Variants in STK39 observed in about 807,000 individuals in gnomAD.
STK39 encodes the protein serine/threonine kinase 39.
In STK39, 20 loss-of-function variants were observed where a neutral mutation model predicts 77.8. That is an observed-to-expected ratio of 0.26 (90% CI 0.18 to 0.37). The LOEUF is 0.37. Ranked by LOEUF, STK39 falls within the 10% of genes least tolerant of loss-of-function variation. STK39 has a pLI of 1.00. For synonymous variants in STK39, 246 were observed against 234.1 expected (o/e 1.05, Z -0.47); for missense variants, 479 against 656.5 (o/e 0.73, Z 2.95).
At chr2:167,998,230 G>C (rs1683898888) in intron 16 of STK39, among the ~76,000 whole-genome samples, 1 of 152,190 alleles carries the variant, frequency 6.6e-6, no homozygotes, top group Admixed American at 6.5e-5. Flanking sequence ...GGTTCACCCG[G>C]ACAAAGGTTA....
chr2:168,231,922 C>A, intron 1 of STK39: 1 of 236,526 alleles, frequency 4.2e-6, no homozygotes, highest in South Asian at 7.8e-5. Context: ...ACCCACCAAT[C>A]ACCTCTTCTT....
intron 10 of STK39, among the ~76,000 whole-genome samples, chr2:168,092,861 G>A (rs569733966): frequency 2.0e-5 from 3 of 152,270 alleles, no homozygotes; most frequent in South Asian, 2.1e-4. Context: ...TTCAGAACAC[G>A]GAAGAGAATC....
intron 1 of STK39, among the ~76,000 whole-genome samples, chr2:168,206,031 A>G (rs915774636): frequency 2.6e-5 from 4 of 152,206 alleles, no homozygotes; most frequent in African/African-American, 9.6e-5. Flanking sequence ...TTTTCAAATC[A>G]AAGCCCCCAA....
At chr2:168,061,710 G>A (rs1409500229) in intron 14 of STK39, among the ~76,000 whole-genome samples, 2 of 152,160 alleles carry the variant, frequency 1.3e-5, no homozygotes, top group Non-Finnish European at 2.9e-5. Context: ...ACTGTATCAT[G>A]AGAAAAAGGC....
In STK39 at chr2:167,991,474, G is replaced by C. The variant is rs113043747; in HGVS notation, c.1498+21160C>G. Among the ~76,000 whole-genome samples, 193 of 152,196 alleles carry C rather than the reference G, an allele frequency of 1.3e-3. 3 individuals are homozygous for C. Among genetic ancestry groups the C allele is most frequent in the African/African-American group, 4.1e-3 (170 of 41,524 alleles). On this transcript the variant is annotated intron_variant, in intron 16 of 17. Transcript: ENST00000355999. Reference sequence around the variant, plus strand: ...AGAGGTCCTAGAGTTGGGTTAATGGGAATATTCAAGAGCAATAAGGGGACA... The same window carrying C: ...AGAGGTCCTAGAGTTGGGTTAATGGCAATATTCAAGAGCAATAAGGGGACA...
intron 12 of STK39, among the ~76,000 whole-genome samples, chr2:168,073,888 G>A (rs1686007640): frequency 6.6e-6 from 1 of 152,110 alleles, no homozygotes; most frequent in African/African-American, 2.4e-5. Context: ...AAAGCGCTGG[G>A]ATTACAGGAG....
intron 8 of STK39, among the ~76,000 whole-genome samples, chr2:168,133,029 T>C (rs895372670): frequency 6.6e-6 from 1 of 152,062 alleles, no homozygotes. Flanking sequence ...ATGAGACTCG[T>C]GCTAGCAAAA....
At chr2:168,006,446 C>T (rs576548141) in intron 16 of STK39, among the ~76,000 whole-genome samples, 3 of 152,248 alleles carry the variant, frequency 2.0e-5, no homozygotes, top group East Asian at 3.9e-4. Context: ...ATTTTTCCCC[C>T]GTGCTTCCAT....
intron 14 of STK39, among the ~76,000 whole-genome samples, chr2:168,032,663 C>A (rs1684858208): frequency 6.6e-6 from 1 of 152,184 alleles, no homozygotes; most frequent in South Asian, 2.1e-4. Flanking sequence ...AAACAACCTG[C>A]TATTTGCCTC....
intron 1 of STK39, among the ~76,000 whole-genome samples, chr2:168,193,631 C>T (rs1689395769): frequency 6.6e-6 from 1 of 152,212 alleles, no homozygotes. Context: ...TACCATGAGT[C>T]GGAGCCTGGC....
chr2:168,071,147 C>T (rs911672943), intron 12 of STK39, among the ~76,000 whole-genome samples: 6 of 152,188 alleles, frequency 3.9e-5, no homozygotes, highest in African/African-American at 1.4e-4. Context: ...TCTGTCTAAA[C>T]ATGGTACTAA....
At chr2:168,102,700 C>T (rs189369074) in intron 10 of STK39, among the ~76,000 whole-genome samples, 88 of 151,960 alleles carry the variant, frequency 5.8e-4, no homozygotes, top group Admixed American at 2.3e-3. Flanking sequence ...GAGGCCAAGG[C>T]GGGCAGATTA....
chr2:168,110,777 A>C (rs1296385124), intron 10 of STK39, among the ~76,000 whole-genome samples: 1 of 152,182 alleles, frequency 6.6e-6, no homozygotes, highest in African/African-American at 2.4e-5. Flanking sequence ...CTTCAAATAA[A>C]TTTTAGAATC....
At chr2:167,961,083 G>A (rs1197291144) in intron 17 of STK39, among the ~76,000 whole-genome samples, 1 of 152,156 alleles carries the variant, frequency 6.6e-6, no homozygotes, top group Non-Finnish European at 1.5e-5. Context: ...TGGACCTTCT[G>A]GAACTGGAAG....
chr2:167,959,421 G>A (rs1021033636), intron 17 of STK39, among the ~76,000 whole-genome samples: 4 of 151,880 alleles, frequency 2.6e-5, no homozygotes, highest in Admixed American at 6.6e-5. Context: ...CACCGCGCCC[G>A]GCCATCAGCT....
chr2:167,991,855 C>A (rs1025590759), intron 16 of STK39, among the ~76,000 whole-genome samples: 1 of 152,126 alleles, frequency 6.6e-6, no homozygotes, highest in Admixed American at 6.5e-5. Context: ...ACACTGAATT[C>A]TTCTGCTGTT....
chr2:168,127,088 T>C (rs1465140890), intron 10 of STK39, among the ~76,000 whole-genome samples: 4 of 152,182 alleles, frequency 2.6e-5, no homozygotes, highest in Non-Finnish European at 4.4e-5. Context: ...TTGTTTAAGA[T>C]AGATGCAAAC....
At chr2:168,240,554 T>C (rs1027195141) in intron 1 of STK39, among the ~76,000 whole-genome samples, 1 of 152,126 alleles carries the variant, frequency 6.6e-6, no homozygotes, top group Non-Finnish European at 1.5e-5. Flanking sequence ...ACCAAACAGA[T>C]GTGAGAGATG....
At chr2:168,137,221 A>G (rs1367964515) in intron 8 of STK39, among the ~76,000 whole-genome samples, 1 of 152,256 alleles carries the variant, frequency 6.6e-6, no homozygotes, top group African/African-American at 2.4e-5. Flanking sequence ...AAGAGAAGTC[A>G]GTTATTATGT....
Sources: gnomAD v4.1 joint callset for allele counts (sites outside exome capture counted in the v4.1 genomes callset) on GRCh38, gnomAD v4.1.1 for gene constraint, MANE v1.5 for transcripts, NCBI Gene and HGNC (gene_info 2026-07-23, HGNC 2026-07-21) for gene names.